Variants in FAM124A observed in about 807,000 individuals in gnomAD.
The protein encoded by FAM124A is family with sequence similarity 124 member A.
In FAM124A, 23 loss-of-function variants were observed where a neutral mutation model predicts 24.5. The ratio of observed to expected loss-of-function variants is 0.94; its 90% CI spans 0.68 to 1.33. FAM124A has a LOEUF of 1.33. Ranked by LOEUF, FAM124A falls within the 40% of genes most tolerant of loss-of-function variation. The pLI, the probability that FAM124A is intolerant of heterozygous loss-of-function variation, is 0.00. For synonymous variants in FAM124A, 287 were observed against 314.7 expected (o/e 0.91, Z 0.93); for missense variants, 623 against 722.8 (o/e 0.86, Z 1.58).
At chr13:51,229,316 C>T (rs1369359350) in intron 1 of FAM124A, among the ~76,000 whole-genome samples, 3 of 152,210 alleles carry the variant, frequency 2.0e-5, no homozygotes, top group Admixed American at 1.3e-4. Context: ...GGAACTGCAG[C>T]AGGATCAGCG....
At chr13:51,274,588 A>C (rs1309716033) in intron 3 of FAM124A, among the ~76,000 whole-genome samples, 1 of 152,208 alleles carries the variant, frequency 6.6e-6, no homozygotes, top group Admixed American at 6.5e-5. Flanking sequence ...CAGAGTCCTC[A>C]TAACTTTTTT....
chr13:51,272,253 G>A lies in FAM124A; in HGVS notation c.835-8197G>A, dbSNP rs925102645. Among the ~76,000 whole-genome samples the A allele has an allele frequency of 1.3e-5, 2 of 151,952 alleles. No individual in the cohort carries two copies. Among genetic ancestry groups the A allele is most frequent in the African/African-American group, 4.8e-5 (2 of 41,352 alleles). On this transcript the variant is annotated intron_variant, in intron 3 of 3. Transcript: ENST00000322475. The surrounding 1 kb of genome is among the most constrained non-coding windows in gnomAD (Gnocchi z 4.2). ...CAGGAGGTCAGTAGGTTGGCTTTGG[G>A]GGCACACCTCCCCTCTGCTCCCTAC...
intron 3 of FAM124A, among the ~76,000 whole-genome samples, chr13:51,268,634 G>T (rs1320415921): frequency 6.6e-6 from 1 of 152,206 alleles, no homozygotes; most frequent in Non-Finnish European, 1.5e-5. Context: ...CCTGTGCATG[G>T]TCACAAGAGG....
rs1435944467 is a variant in FAM124A at position 51,231,654 on chromosome 13, GC to G, written c.100+276del. Among the ~76,000 whole-genome samples, 3 of 152,120 alleles carry G rather than the reference GC, an allele frequency of 2.0e-5. No homozygotes were observed. In the East Asian group the frequency reaches 5.8e-4, roughly 29 times the overall value. On this transcript the variant is annotated intron_variant, in intron 2 of 3. Coordinates refer to ENST00000322475, the MANE Select transcript of FAM124A (RefSeq NM_001242312.2). ...TCATCTCTGAAGAATCTGAGGTAGC[GC>G]TTTCATTGAACAAACATCTATCAGA...
chr13:51,225,139 G>T (rs551800449), intron 1 of FAM124A: 25 of 152,222 alleles, frequency 1.6e-4, no homozygotes, highest in African/African-American at 6.0e-4. Flanking sequence ...AGTAGCTGGT[G>T]ATCTATTCCA....
intron 1 of FAM124A, among the ~76,000 whole-genome samples, chr13:51,223,333 T>C (rs1057117582): frequency 6.6e-6 from 1 of 152,130 alleles, no homozygotes; most frequent in Non-Finnish European, 1.5e-5. Flanking sequence ...GAGATGAATG[T>C]CGTTATAAAG....
chr13:51,279,445 A>T (rs1954914510), intron 3 of FAM124A, among the ~76,000 whole-genome samples: 1 of 152,154 alleles, frequency 6.6e-6, no homozygotes, highest in African/African-American at 2.4e-5. Context: ...AGGTACTATT[A>T]ATATATACTA....
intron 2 of FAM124A, among the ~76,000 whole-genome samples, chr13:51,249,348 A>C (rs759358119): frequency 6.6e-6 from 1 of 152,224 alleles, no homozygotes; most frequent in Non-Finnish European, 1.5e-5. Flanking sequence ...GCAGGAAGGA[A>C]AAAGAGGGAA....
At chr13:51,257,373 A>G (rs767073169) in intron 3 of FAM124A, among the ~76,000 whole-genome samples, 20 of 152,230 alleles carry the variant, frequency 1.3e-4, no homozygotes, top group African/African-American at 2.4e-4. Flanking sequence ...GGTGAAGCAC[A>G]TGGTATTCTC....
chr13:51,252,285 G>A (rs1177139032), intron 3 of FAM124A, 84 bp downstream of exon 3: 3 of 1,510,830 alleles, frequency 2.0e-6, no homozygotes, highest in Non-Finnish European at 2.7e-6. Flanking sequence ...ACCAGTCACA[G>A]AGCAATGATC....
intron 1 of FAM124A, among the ~76,000 whole-genome samples, chr13:51,226,577 C>T (rs532660380): frequency 5.3e-5 from 8 of 152,176 alleles, no homozygotes; most frequent in African/African-American, 1.7e-4. Context: ...TTTATTTTCT[C>T]GCAGCAATGC....
At chr13:51,264,578 C>T (rs1275771971) in intron 3 of FAM124A, among the ~76,000 whole-genome samples, 4 of 152,092 alleles carry the variant, frequency 2.6e-5, no homozygotes, top group East Asian at 3.9e-4. Context: ...GCTCTATGAT[C>T]GCGTCCGTGA....
At chr13:51,256,580 G>A (rs1342061095) in intron 3 of FAM124A, among the ~76,000 whole-genome samples, 2 of 152,126 alleles carry the variant, frequency 1.3e-5, no homozygotes, top group African/African-American at 2.4e-5. Context: ...CATCATTGCT[G>A]GAATACTGGG....
At chr13:51,260,925 T>C (rs188984701) in intron 3 of FAM124A, among the ~76,000 whole-genome samples, 65 of 152,326 alleles carry the variant, frequency 4.3e-4, no homozygotes, top group Non-Finnish European at 8.7e-4. Context: ...CAGCGAACTC[T>C]AGGGCAGGAT....
intron 3 of FAM124A, among the ~76,000 whole-genome samples, chr13:51,268,820 G>A (rs955015666): frequency 6.6e-6 from 1 of 152,216 alleles, no homozygotes; most frequent in African/African-American, 2.4e-5. Context: ...TCACGCTCAA[G>A]TGGGACATTT....
chr13:51,256,455 A>G (rs1340150535), intron 3 of FAM124A, among the ~76,000 whole-genome samples: 1 of 152,204 alleles, frequency 6.6e-6, no homozygotes, highest in Non-Finnish European at 1.5e-5. Context: ...TACCAGTTGA[A>G]ATGAGTTGCC....
At chr13:51,263,472 A>G (rs188031610) in intron 3 of FAM124A, among the ~76,000 whole-genome samples, 106 of 152,356 alleles carry the variant, frequency 7.0e-4, no homozygotes, top group African/African-American at 2.2e-3. Flanking sequence ...GGGATTAACA[A>G]GAGATGGAGC....
intron 3 of FAM124A, among the ~76,000 whole-genome samples, chr13:51,267,730 G>C (rs1954802378): frequency 6.6e-6 from 1 of 152,076 alleles, no homozygotes; most frequent in Non-Finnish European, 1.5e-5. Context: ...CTGAGTATAA[G>C]GGTTAAGCTG....
At chr13:51,270,860 T>C (rs1182999187) in intron 3 of FAM124A, among the ~76,000 whole-genome samples, 2 of 152,208 alleles carry the variant, frequency 1.3e-5, no homozygotes, top group African/African-American at 2.4e-5. Context: ...TACAAATATA[T>C]TCAATAGTTC....
Sources: gnomAD v4.1 joint callset for allele counts (sites outside exome capture counted in the v4.1 genomes callset) on GRCh38, gnomAD v4.1.1 for gene constraint, Gnocchi (gnomAD v3.1) non-coding constraint, MANE v1.5 for transcripts, NCBI Gene and HGNC (gene_info 2026-07-23, HGNC 2026-07-21) for gene names.